NRXN1: variants seen among roughly 807,000 people sequenced by gnomAD.
The protein encoded by NRXN1 is neurexin-1.
A neutral mutation model predicts 150.9 loss-of-function variants in NRXN1; 39 were observed. The ratio of observed to expected loss-of-function variants is 0.26; its 90% CI spans 0.20 to 0.34. The LOEUF (loss-of-function observed/expected upper bound fraction) is 0.34, where lower values mean the gene tolerates loss of function less well. NRXN1 is among the 10% of genes least tolerant of loss of function. NRXN1 has a pLI of 1.00. For missense variants in NRXN1, 1,815 were observed against 1,949.9 expected (o/e 0.93, Z 1.30); for synonymous variants, 924 against 757.0 (o/e 1.22, Z -3.62).
chr2:50,771,377 A>T (rs766013180), intron 5 of NRXN1, among the ~76,000 whole-genome samples: 9 of 152,122 alleles, frequency 5.9e-5, no homozygotes, highest in Non-Finnish European at 1.2e-4. Context: ...TCTTCAAGCA[A>T]CTTAACAATT....
In NRXN1 at chr2:50,347,851, G is replaced by A; in HGVS notation, c.3365-110881C>T. The A allele has an allele frequency of 1.0e-6, 1 of 985,516 alleles. No homozygotes were observed. The highest frequency in any genetic ancestry group is 1.2e-6 in the Non-Finnish European group (1 of 830,004). 61.0% of individuals were successfully genotyped at this position (985,516 alleles called of 1,614,324 possible). On this transcript the variant is annotated intron_variant, in intron 17 of 22. Transcript: ENST00000401669. The surrounding 1 kb of genome is among the most constrained non-coding windows in gnomAD (Gnocchi z 4.9). The stretch of plus-strand genomic sequence containing the variant: ...CACTGAAGCTCGGATGCAATGCAGA[G>A]GACGAGCCTATGTAACGAGGGAGGC...
chr2:50,945,263 C>T (rs995891526), intron 2 of NRXN1, among the ~76,000 whole-genome samples: 1 of 152,048 alleles, frequency 6.6e-6, no homozygotes, highest in Non-Finnish European at 1.5e-5. Flanking sequence ...TCACTTGAGC[C>T]CCAAGTTCTA....
chr2:50,448,884 T>G (rs759518350), intron 17 of NRXN1, among the ~76,000 whole-genome samples: 9 of 151,954 alleles, frequency 5.9e-5, no homozygotes, highest in Admixed American at 1.3e-4. Context: ...TAAAATAAAA[T>G]AAATAAATAA....
At chr2:50,474,212 G>T (rs561128626) in intron 15 of NRXN1, among the ~76,000 whole-genome samples, 4 of 151,882 alleles carry the variant, frequency 2.6e-5, no homozygotes, top group African/African-American at 9.6e-5. Context: ...TCAGGCCATT[G>T]TGTTTTAGTT....
intron 17 of NRXN1, among the ~76,000 whole-genome samples, chr2:50,258,433 T>G (rs1212683147): frequency 1.3e-5 from 2 of 152,008 alleles, no homozygotes; most frequent in Non-Finnish European, 2.9e-5. Context: ...TTTGTTCAAG[T>G]TTTATCATGA....
chr2:50,854,602 G>C (rs1307359618), intron 5 of NRXN1, among the ~76,000 whole-genome samples: 1 of 151,974 alleles, frequency 6.6e-6, no homozygotes, highest in Admixed American at 6.6e-5. Flanking sequence ...ATTATAGTTC[G>C]AGGAAAATAA....
chr2:50,862,044 A>C (rs1162754890), intron 5 of NRXN1, among the ~76,000 whole-genome samples: 3 of 151,888 alleles, frequency 2.0e-5, no homozygotes. Flanking sequence ...TCCACTAAAA[A>C]TAAAAAAATC....
At chr2:50,204,020 T>C (rs1038216573) in intron 18 of NRXN1, among the ~76,000 whole-genome samples, 4 of 152,132 alleles carry the variant, frequency 2.6e-5, no homozygotes, top group Non-Finnish European at 5.9e-5. Flanking sequence ...TATTCAACTT[T>C]CTATGTATAC....
At chr2:50,686,470 G>A (rs1691249241) in intron 5 of NRXN1, among the ~76,000 whole-genome samples, 1 of 152,150 alleles carries the variant, frequency 6.6e-6, no homozygotes, top group African/African-American at 2.4e-5. Context: ...GACCATGTCA[G>A]CCTCTCTTAG....
intron 17 of NRXN1, among the ~76,000 whole-genome samples, chr2:50,440,270 G>A (rs1032328832): frequency 2.6e-5 from 4 of 152,100 alleles, no homozygotes; most frequent in African/African-American, 9.7e-5. Flanking sequence ...AGATGACATA[G>A]GGTCCAGAAT....
intron 18 of NRXN1, among the ~76,000 whole-genome samples, chr2:50,093,120 A>C (rs1426908177): frequency 6.6e-6 from 1 of 152,196 alleles, no homozygotes; most frequent in African/African-American, 2.4e-5. Flanking sequence ...TGAGCTAAAA[A>C]AAAATCTTTA....
At chr2:50,136,936 C>T (rs1435230651) in intron 18 of NRXN1, among the ~76,000 whole-genome samples, 1 of 151,938 alleles carries the variant, frequency 6.6e-6, no homozygotes, top group Non-Finnish European at 1.5e-5. Flanking sequence ...TGAATCAGTC[C>T]CTTTAACTTT....
intron 17 of NRXN1, among the ~76,000 whole-genome samples, chr2:50,268,905 T>C (rs1009347637): frequency 2.0e-5 from 3 of 152,184 alleles, no homozygotes; most frequent in African/African-American, 7.2e-5. Flanking sequence ...ATATCTACGT[T>C]AATGAAACGA....
chr2:50,647,142 C>G (rs558060274), intron 5 of NRXN1, among the ~76,000 whole-genome samples: 19 of 151,742 alleles, frequency 1.3e-4, no homozygotes, highest in Admixed American at 4.6e-4. Context: ...AAACACATCT[C>G]AATTTTAGAC....
intron 2 of NRXN1, among the ~76,000 whole-genome samples, chr2:50,977,013 T>G (rs1695949620): frequency 6.6e-6 from 1 of 152,036 alleles, no homozygotes; most frequent in Non-Finnish European, 1.5e-5. Flanking sequence ...CTTAATGTTC[T>G]TAGAATTAGC....
chr2:50,934,052 T>C (rs970651126), intron 2 of NRXN1, among the ~76,000 whole-genome samples: 2 of 152,268 alleles, frequency 1.3e-5, no homozygotes, highest in South Asian at 2.1e-4. Flanking sequence ...CCTCATTATA[T>C]GTTGCTTTAA....
At chr2:50,837,036 T>C (rs1672218133) in intron 5 of NRXN1, among the ~76,000 whole-genome samples, 1 of 152,098 alleles carries the variant, frequency 6.6e-6, no homozygotes, top group Non-Finnish European at 1.5e-5. Context: ...GAAGATACTT[T>C]GCATATTTTT....
chr2:50,508,517 T>C (rs968847491), intron 12 of NRXN1, among the ~76,000 whole-genome samples: 2 of 152,202 alleles, frequency 1.3e-5, no homozygotes, highest in Non-Finnish European at 2.9e-5. Flanking sequence ...TCTTTCATTT[T>C]GATCCTTGAA....
chr2:50,108,593 C>A (rs1701976487), intron 18 of NRXN1, among the ~76,000 whole-genome samples: 1 of 152,040 alleles, frequency 6.6e-6, no homozygotes. Flanking sequence ...GAGAAAAAAG[C>A]AAAATACTAA....
Sources: allele counts gnomAD v4.1 joint callset (sites outside exome capture counted in the v4.1 genomes callset), GRCh38; gene constraint gnomAD v4.1.1; non-coding constraint Gnocchi (gnomAD v3.1); transcripts MANE v1.5; gene names NCBI Gene and HGNC (gene_info 2026-07-23, HGNC 2026-07-21).